SOX6: variants seen among roughly 807,000 people sequenced by gnomAD.
The protein encoded by SOX6 is transcription factor SOX-6.
In SOX6, 11 loss-of-function variants were observed where a neutral mutation model predicts 97.8. The ratio of observed to expected loss-of-function variants is 0.11; its 90% confidence interval spans 0.07 to 0.19. SOX6 has a LOEUF of 0.19. Among genes scored for constraint, SOX6 ranks in the 10% least tolerant of loss-of-function variants. The pLI, the probability that SOX6 is intolerant of heterozygous loss-of-function variation, is 1.00. For synonymous variants in SOX6, 360 were observed against 371.4 expected (o/e 0.97, Z 0.35); for missense variants, 810 against 1,039.5 (o/e 0.78, Z 3.04).
chr11:16,467,053 C>T (rs1458804818), intron 1 of SOX6, among the ~76,000 whole-genome samples: 1 of 151,416 alleles, frequency 6.6e-6, no homozygotes, highest in Non-Finnish European at 1.5e-5. Context: ...TTCAACATCA[C>T]TGATCATTAG....
In SOX6 at chr11:16,441,313, T is replaced by G. The variant is rs1859498650; in HGVS notation, c.-5+35002A>C. Among the ~76,000 whole-genome samples, 4 of 152,328 alleles carry G rather than the reference T, an allele frequency of 2.6e-5. No homozygotes were observed. In the South Asian group the frequency reaches 8.3e-4, roughly 32 times the overall value. On this transcript the variant is annotated intron_variant, in intron 1 of 15. Coordinates refer to the SOX6 transcript ENST00000396356. ...ATATTAATGCCATTATTGATGCCCT[T>G]CCTTCTCAGTGCACATATATGTACA...
intron 4 of SOX6, among the ~76,000 whole-genome samples, chr11:16,212,752 C>T (rs1205422636): frequency 6.6e-6 from 1 of 152,120 alleles, no homozygotes; most frequent in East Asian, 1.9e-4. Context: ...TTTTTCCAAT[C>T]CGATGGATGC....
chr11:16,525,628 A>C (rs1861145789), intron 4 of SOX6, among the ~76,000 whole-genome samples: 1 of 151,824 alleles, frequency 6.6e-6, no homozygotes, highest in Admixed American at 6.6e-5. Context: ...CAAAATTGAC[A>C]AATGGGATCT....
At chr11:16,363,637 AG>A (rs1206818247) in intron 1 of SOX6, among the ~76,000 whole-genome samples, 64 of 152,240 alleles carry the variant, frequency 4.2e-4, no homozygotes, top group African/African-American at 1.5e-3. Context: ...TGATAAAAAC[AG>A]GTTAAAACTT....
intron 4 of SOX6, among the ~76,000 whole-genome samples, chr11:16,524,203 G>C (rs531878232): frequency 7.2e-4 from 110 of 152,146 alleles, no homozygotes; most frequent in African/African-American, 2.6e-3. Context: ...CAATATCCTT[G>C]ATGAACATTG....
chr11:16,415,927 G>A (rs551595435), intron 1 of SOX6, among the ~76,000 whole-genome samples: 2 of 152,182 alleles, frequency 1.3e-5, no homozygotes, highest in Non-Finnish European at 2.9e-5. Flanking sequence ...TGGGATTCTA[G>A]ATAGTCCTTT....
At chr11:16,264,990 AG>A (rs1267060952) in intron 3 of SOX6, 2 of 151,926 alleles carry the variant, frequency 1.3e-5, no homozygotes, top group East Asian at 3.9e-4. Context: ...TACTGCCTGG[AG>A]AGAGTTTCCA....
intron 15 of SOX6, among the ~76,000 whole-genome samples, chr11:15,978,977 CAT>C (rs1853581905): frequency 3.6e-5 from 4 of 111,428 alleles, no homozygotes; most frequent in Non-Finnish European, 5.9e-5. Context: ...TATATATGAG[CAT>C]ATATATAAGC....
chr11:16,070,242 G>C (rs1392768504), intron 9 of SOX6, among the ~76,000 whole-genome samples: 2 of 152,050 alleles, frequency 1.3e-5, no homozygotes, highest in Non-Finnish European at 2.9e-5. Context: ...CCAAGCACTG[G>C]GTAGTTTGCT....
chr11:16,084,180 T>C (rs1446913544), intron 9 of SOX6, among the ~76,000 whole-genome samples: 1 of 152,060 alleles, frequency 6.6e-6, no homozygotes, highest in African/African-American at 2.4e-5. Flanking sequence ...CACAATCACC[T>C]TGGGCAATCA....
chr11:16,016,632 G>A (rs1486722618), intron 12 of SOX6, among the ~76,000 whole-genome samples: 4 of 152,092 alleles, frequency 2.6e-5, no homozygotes, highest in Admixed American at 6.6e-5. Flanking sequence ...GACGCAGTCA[G>A]GGAAAGGACA....
intron 4 of SOX6, among the ~76,000 whole-genome samples, chr11:16,522,358 G>C (rs777071696): frequency 6.6e-6 from 1 of 152,068 alleles, no homozygotes; most frequent in Non-Finnish European, 1.5e-5. Context: ...TTTCAACCCA[G>C]AATTTCATAT....
chr11:15,984,687 T>C (rs1014413649), intron 15 of SOX6, among the ~76,000 whole-genome samples: 51 of 152,232 alleles, frequency 3.4e-4, no homozygotes, highest in African/African-American at 1.2e-3. Flanking sequence ...TATTTTGTCA[T>C]GTCTTCATTT....
chr11:16,432,045 C>A (rs1434566784), intron 1 of SOX6, among the ~76,000 whole-genome samples: 1 of 152,008 alleles, frequency 6.6e-6, no homozygotes, highest in African/African-American at 2.4e-5. Context: ...AACCAATCAC[C>A]ACTAAGTCCT....
intron 12 of SOX6, 23 bp downstream of exon 12, chr11:16,046,491 G>A (rs1855836067): frequency 6.2e-7 from 1 of 1,610,160 alleles, no homozygotes; most frequent in African/African-American, 1.3e-5. Context: ...AGCAGATCCA[G>A]TGACACAAGG....
intron 3 of SOX6, among the ~76,000 whole-genome samples, chr11:16,660,360 T>C (rs1188749859): frequency 6.6e-6 from 1 of 152,224 alleles, no homozygotes; most frequent in African/African-American, 2.4e-5. Context: ...GACCCATGTG[T>C]TATTTATAAG....
At chr11:16,681,858 C>A (rs1847931016) in intron 3 of SOX6, among the ~76,000 whole-genome samples, 1 of 152,166 alleles carries the variant, frequency 6.6e-6, no homozygotes, top group Non-Finnish European at 1.5e-5. Context: ...ACTAGAAAAT[C>A]TAGAAGAAAT....
chr11:16,494,477 T>C (rs550532051), intron 4 of SOX6, among the ~76,000 whole-genome samples: 5 of 152,200 alleles, frequency 3.3e-5, no homozygotes, highest in Non-Finnish European at 7.3e-5. Flanking sequence ...TAAAAAGCGA[T>C]ATACAAAAGC....
At chr11:16,126,395 C>T (rs1407991987) in intron 6 of SOX6, among the ~76,000 whole-genome samples, 1 of 152,016 alleles carries the variant, frequency 6.6e-6, no homozygotes, top group African/African-American at 2.4e-5. Context: ...CTGTAGTTTC[C>T]ACAGTAGAAT....
Sources: gnomAD v4.1 joint callset for allele counts (sites outside exome capture counted in the v4.1 genomes callset) on GRCh38, gnomAD v4.1.1 for gene constraint, MANE v1.5 for transcripts, NCBI Gene and HGNC (gene_info 2026-07-23, HGNC 2026-07-21) for gene names.